The following ZNF385D variants were observed in gnomAD, a reference collection of about 807,000 sequenced individuals.
ZNF385D encodes zinc finger protein 659.
In ZNF385D, 15 loss-of-function variants were observed where a neutral mutation model predicts 35.8. The ratio of observed to expected loss-of-function variants is 0.42; its 90% CI spans 0.28 to 0.64. ZNF385D has a LOEUF of 0.64. Ranked by LOEUF, ZNF385D falls within the 30% of genes least tolerant of loss-of-function variation. ZNF385D has a pLI of 0.23. For missense variants in ZNF385D, 474 were observed against 494.6 expected (o/e 0.96, Z 0.39); for synonymous variants, 212 against 186.8 (o/e 1.13, Z -1.10).
chr3:21,992,655 T>C (rs774090410), intron 3 of ZNF385D, among the ~76,000 whole-genome samples: 1 of 152,218 alleles, frequency 6.6e-6, no homozygotes, highest in South Asian at 2.1e-4. Flanking sequence ...ATTATTATAC[T>C]ATATTGCTAT....
At chr3:22,035,875 G>A (rs550611582) in intron 3 of ZNF385D, among the ~76,000 whole-genome samples, 46 of 152,196 alleles carry the variant, frequency 3.0e-4, no homozygotes, top group African/African-American at 9.6e-4. Flanking sequence ...GTGGAAACAC[G>A]TAGTTTGCCA....
chr3:22,336,216 T>C (rs1003113116), intron 2 of ZNF385D, among the ~76,000 whole-genome samples: 1 of 152,132 alleles, frequency 6.6e-6, no homozygotes, highest in Non-Finnish European at 1.5e-5. Context: ...ATTCCAGAAA[T>C]TTTAAACAAA....
At chr3:22,224,047 C>T (rs1038647804) in intron 2 of ZNF385D, among the ~76,000 whole-genome samples, 2 of 152,104 alleles carry the variant, frequency 1.3e-5, no homozygotes, top group Non-Finnish European at 1.5e-5. Flanking sequence ...TGAAAAAATC[C>T]TTCTTATCCC....
Position 21,646,607 on chromosome 3 carries a change from C to G in ZNF385D, c.165+18279G>C, listed in dbSNP as rs912391046. 3.9e-5 allele frequency among the ~76,000 whole-genome samples: 6 copies of G among 152,136 alleles called. No homozygotes were observed. Among genetic ancestry groups the G allele is most frequent in the African/African-American group, 1.2e-4 (5 of 41,416 alleles). ...AGTGAATTTTGGAAATATGTCAGAC[C>G]TAGATAAACTCTGATAATCTTGACA... On this transcript the variant is annotated intron_variant, in intron 2 of 7. Coordinates refer to ENST00000281523, the MANE Select transcript of ZNF385D (RefSeq NM_024697.3). The surrounding 1 kb of genome is among the most constrained non-coding windows in gnomAD (Gnocchi z 4.3).
intron 2 of ZNF385D, among the ~76,000 whole-genome samples, chr3:22,181,139 T>C (rs926993689): frequency 5.3e-5 from 8 of 152,222 alleles, no homozygotes; most frequent in South Asian, 2.1e-4. Context: ...ATGTCATAAT[T>C]ACTCTTAGAT....
rs532208614 is a variant in ZNF385D at position 21,713,963 on chromosome 3, C to T, written c.22+36932G>A. On this transcript the variant is annotated intron_variant, in intron 1 of 7. Transcript: ENST00000281523. Reference sequence around the variant, plus strand: ...CACCTTTTCAGCCCTTTACCCTGTTCCTGATCTTTTCTCTACCCAGCTTAA... The same window carrying T: ...CACCTTTTCAGCCCTTTACCCTGTTTCTGATCTTTTCTCTACCCAGCTTAA... Among the ~76,000 whole-genome samples the T allele has an allele frequency of 2.8e-4, 42 of 152,290 alleles. 1 individual carries two copies. Among genetic ancestry groups the T allele is most frequent in the Non-Finnish European group, 5.4e-4 (37 of 68,022 alleles).
chr3:21,690,654 T>G (rs968670221), intron 1 of ZNF385D, among the ~76,000 whole-genome samples: 2 of 152,180 alleles, frequency 1.3e-5, no homozygotes, highest in Non-Finnish European at 2.9e-5. Context: ...CCATACACTT[T>G]TCTCTAGGCT....
At chr3:22,302,169 T>A (rs1702936781) in intron 2 of ZNF385D, among the ~76,000 whole-genome samples, 1 of 152,086 alleles carries the variant, frequency 6.6e-6, no homozygotes, top group East Asian at 1.9e-4. Context: ...AGATTTTCAA[T>A]CTTAGTATCC....
intron 3 of ZNF385D, chr3:21,777,765 G>C (rs1472593739): frequency 6.6e-6 from 1 of 151,814 alleles, no homozygotes; most frequent in Non-Finnish European, 1.5e-5. Flanking sequence ...TGACCAGTTT[G>C]ACTAATAGAA....
At chr3:21,461,917 TTAAG>T (rs1402874570) in intron 4 of ZNF385D, among the ~76,000 whole-genome samples, 2 of 152,018 alleles carry the variant, frequency 1.3e-5, no homozygotes, top group Non-Finnish European at 2.9e-5. Flanking sequence ...CTCTGAGCAC[TTAAG>T]TATCTGACTT....
chr3:21,421,583 A>G, intron 7 of ZNF385D, 136 bp from the exon 8 acceptor site: 1 of 634,052 alleles, frequency 1.6e-6, no homozygotes, highest in Non-Finnish European at 2.7e-6. Context: ...TGAACTGACA[A>G]CAAAGAAAAT....
intron 3 of ZNF385D, among the ~76,000 whole-genome samples, chr3:21,945,435 G>C (rs752499992): frequency 2.0e-5 from 3 of 152,036 alleles, no homozygotes; most frequent in Admixed American, 6.6e-5. Context: ...TTTAAGCCTG[G>C]TTTTTCTACT....
chr3:22,220,714 C>T (rs888013264), intron 2 of ZNF385D, among the ~76,000 whole-genome samples: 6 of 152,152 alleles, frequency 3.9e-5, no homozygotes, highest in Non-Finnish European at 7.4e-5. Flanking sequence ...CTCTTATAGA[C>T]TCATTCAATG....
intron 2 of ZNF385D, among the ~76,000 whole-genome samples, chr3:22,231,193 C>G (rs1367082957): frequency 6.6e-6 from 1 of 152,086 alleles, no homozygotes; most frequent in African/African-American, 2.4e-5. Flanking sequence ...TTGCTTTAAG[C>G]CCCCTGCCAC....
intron 2 of ZNF385D, among the ~76,000 whole-genome samples, chr3:22,274,316 T>C (rs145537924): frequency 2.0e-5 from 3 of 152,112 alleles, no homozygotes; most frequent in African/African-American, 7.2e-5. Context: ...GAAAAAGATA[T>C]AATTTTTCAG....
chr3:21,943,309 T>TATATATATGTATATATATAC (rs1491561968), intron 3 of ZNF385D, among the ~76,000 whole-genome samples: 1 of 151,558 alleles, frequency 6.6e-6, no homozygotes, highest in African/African-American at 2.4e-5. Context: ...TGTGTGTGTG[T>TATATATATGTATATATATAC]ATATATATGT....
intron 3 of ZNF385D, among the ~76,000 whole-genome samples, chr3:21,948,160 T>C (rs1701887803): frequency 6.6e-6 from 1 of 152,122 alleles, no homozygotes; most frequent in Non-Finnish European, 1.5e-5. Context: ...CAATCCACCA[T>C]CAAAACTGGA....
chr3:22,078,035 C>T (rs1002560639), intron 3 of ZNF385D, among the ~76,000 whole-genome samples: 3 of 151,968 alleles, frequency 2.0e-5, no homozygotes, highest in African/African-American at 4.8e-5. Context: ...GATTTCAAAA[C>T]TGAAGACAAT....
chr3:21,693,669 T>G (rs1225863737), intron 1 of ZNF385D, among the ~76,000 whole-genome samples: 1 of 152,162 alleles, frequency 6.6e-6, no homozygotes, highest in Non-Finnish European at 1.5e-5. Context: ...GTATAACAGG[T>G]GTTAGAAATA....
Sources: allele counts gnomAD v4.1 joint callset (sites outside exome capture counted in the v4.1 genomes callset), GRCh38; gene constraint gnomAD v4.1.1; non-coding constraint Gnocchi (gnomAD v3.1); transcripts MANE v1.5; gene names NCBI Gene and HGNC (gene_info 2026-07-23, HGNC 2026-07-21).